The following SLC16A2 variants were observed in gnomAD, a reference collection of about 807,000 sequenced individuals.
SLC16A2 encodes monocarboxylate transporter 8.
In SLC16A2, 3 loss-of-function variants were observed where a neutral mutation model predicts 27.2. That is an observed-to-expected ratio of 0.11 (90% CI 0.05 to 0.28). SLC16A2 has a LOEUF of 0.28. SLC16A2 is among the 10% of genes least tolerant of loss of function. SLC16A2 has a pLI of 1.00. For missense variants in SLC16A2, 295 were observed against 458.5 expected, an observed-to-expected ratio of 0.64 and a Z score of 3.26; for synonymous variants, 202 against 187.8, an observed-to-expected ratio of 1.08 and a Z score of -0.62.
chrX:74,493,782 G>T (rs182273936), intron 1 of SLC16A2, among the ~76,000 whole-genome samples: 1 of 111,619 alleles, frequency 9.0e-6, no homozygotes, highest in African/African-American at 3.3e-5. Context: ...GCAGGTGCGT[G>T]CATTCCCTCT....
At chrX:74,465,729 G>A (rs1403581720) in intron 1 of SLC16A2, among the ~76,000 whole-genome samples, 3 of 111,501 alleles carry the variant, frequency 2.7e-5, no homozygotes, top group South Asian at 7.5e-4. Flanking sequence ...CAGGGAAATG[G>A]GATGCATTGT....
intron 1 of SLC16A2, among the ~76,000 whole-genome samples, chrX:74,455,702 CTG>C (rs1929031086): frequency 9.0e-6 from 1 of 111,239 alleles, no homozygotes; most frequent in African/African-American, 3.3e-5. Flanking sequence ...GAGGAGACAT[CTG>C]GGCATGGCAG....
intron 5 of SLC16A2, among the ~76,000 whole-genome samples, 185 bp from the exon 6 acceptor site, chrX:74,531,148 T>C (rs1038562856): frequency 8.9e-6 from 1 of 112,879 alleles, no homozygotes; most frequent in Admixed American, 9.3e-5. Context: ...TTAGCTTCTT[T>C]CATAATGAGC....
At chrX:74,528,756 C>T (rs189748639) in intron 4 of SLC16A2, among the ~76,000 whole-genome samples, 71 of 112,177 alleles carry the variant, frequency 6.3e-4, no homozygotes, top group Admixed American at 1.5e-3. Flanking sequence ...CTTCCACTTA[C>T]AACCCCATCT....
At chrX:74,441,999 C>G (rs950580483) in intron 1 of SLC16A2, among the ~76,000 whole-genome samples, 1 of 109,798 alleles carries the variant, frequency 9.1e-6, no homozygotes, top group South Asian at 3.9e-4. Flanking sequence ...GAGGCCGAGG[C>G]GGGTGGATCA....
chrX:74,506,906 ATTATTTAT>A (rs1204825066), intron 1 of SLC16A2, among the ~76,000 whole-genome samples: 17 of 94,987 alleles, frequency 1.8e-4, no homozygotes, highest in African/African-American at 3.9e-4. Flanking sequence ...TGTGATATTT[ATTATTTAT>A]TTATTTATTT....
In SLC16A2 at chrX:74,467,967, C is replaced by A. The variant is rs772599422; in HGVS notation, c.430+45900C>A. Reference sequence around the variant, plus strand: ...CACACCATATCATTCACATTTCAAGCCTCCAAACCACTGTTCATGCTGTTC... The same window carrying A: ...CACACCATATCATTCACATTTCAAGACTCCAAACCACTGTTCATGCTGTTC... On this transcript the variant is annotated intron_variant, in intron 1 of 5. Coordinates refer to ENST00000587091, the MANE Select transcript of SLC16A2 (RefSeq NM_006517.5). 4.5e-5 allele frequency among the ~76,000 whole-genome samples: 5 copies of A among 111,641 alleles called. No homozygotes were observed. In the East Asian group the frequency reaches 8.4e-4, roughly 19 times the overall value.
chrX:74,477,756 A>G (rs1929515309), intron 1 of SLC16A2, among the ~76,000 whole-genome samples: 1 of 111,990 alleles, frequency 8.9e-6, no homozygotes, highest in South Asian at 3.7e-4. Flanking sequence ...GTCATTCAGG[A>G]GCAGGTTGTT....
chrX:74,475,980 AT>A (rs1929469044), intron 1 of SLC16A2, among the ~76,000 whole-genome samples: 1 of 111,277 alleles, frequency 9.0e-6, no homozygotes. Flanking sequence ...TTTTGGTTCC[AT>A]ATGAACTTTA....
rs1424472744 is a variant in SLC16A2, at chrX:74,519,746, A to AAC, written c.431-1244_431-1243insAC. Reference sequence around the variant, plus strand: ...AAAAAAAAAACAAAAAAAAAACGAAAGAAAGAAAAAGAAAAAGAAATGTTT... The same window carrying AAC: ...AAAAAAAAAACAAAAAAAAAACGAAAACGAAAGAAAAAGAAAAAGAAATGTTT... On this transcript the variant is annotated intron_variant, in intron 1 of 5. Transcript: ENST00000587091. Among the ~76,000 whole-genome samples the AAC allele has an allele frequency of 9.8e-3, 732 of 74,894 alleles. 95 individuals carry two copies. The highest frequency in any genetic ancestry group is 0.016 in the Non-Finnish European group (544 of 33,015). The allele number at this position is 74,894 out of a possible 115,157, so 65.0% of individuals were successfully genotyped here. A position where few individuals can be genotyped will look rare whatever the true frequency, so the allele number is the denominator to read the frequency against.
intron 1 of SLC16A2, among the ~76,000 whole-genome samples, chrX:74,427,817 A>ACGCGCGCGCGTGCACGCGCG (rs1928438192): frequency 1.9e-5 from 2 of 106,959 alleles, no homozygotes; most frequent in Non-Finnish European, 3.9e-5. Flanking sequence ...GCGCGCACAC[A>ACGCGCGCGCGTGCACGCGCG]CACACACACA....
chrX:74,461,395 GGA>G (rs756961536), intron 1 of SLC16A2, among the ~76,000 whole-genome samples: 12 of 88,561 alleles, frequency 1.4e-4, no homozygotes, highest in African/African-American at 5.3e-4. Context: ...GGAGAGAAAG[GGA>G]GAGAGAGAGA....
intron 1 of SLC16A2, among the ~76,000 whole-genome samples, chrX:74,518,463 C>T (rs1054722955): frequency 4.5e-5 from 5 of 109,978 alleles, no homozygotes; most frequent in Admixed American, 1.9e-4. Context: ...TGGTGGCGTG[C>T]GCCTGTAATC....
At chrX:74,468,530 T>C (rs1435763206) in intron 1 of SLC16A2, among the ~76,000 whole-genome samples, 1 of 112,104 alleles carries the variant, frequency 8.9e-6, no homozygotes, top group African/African-American at 3.2e-5. Flanking sequence ...TCATGGACAT[T>C]TCAGTTGTTT....
intron 1 of SLC16A2, among the ~76,000 whole-genome samples, chrX:74,437,618 G>T (rs1298718573): frequency 1.8e-5 from 2 of 112,143 alleles, no homozygotes; most frequent in Non-Finnish European, 3.8e-5. Flanking sequence ...CCAAACAGCT[G>T]CAGGGACCTG....
chrX:74,525,242 G>T (rs949191317), intron 3 of SLC16A2, among the ~76,000 whole-genome samples: 5 of 111,830 alleles, frequency 4.5e-5, no homozygotes, highest in Admixed American at 1.9e-4. Flanking sequence ...AAAAAAAATT[G>T]TAGGAAAGAA....
chrX:74,421,892 C>T lies in SLC16A2; in HGVS notation c.255C>T (p.Thr85=). Residue 85 remains threonine (T), a synonymous_variant, in exon 1 of 6, where the codon ACC becomes ACT. Coordinates refer to ENST00000587091, the MANE Select transcript of SLC16A2 (RefSeq NM_006517.5). Reference sequence around the variant, plus strand: ...CCGAGCCCACGCCTACGGTAGAGACCCGCGGCACCGCGCGCGGCTTCCAGC... The same window carrying T: ...CCGAGCCCACGCCTACGGTAGAGACTCGCGGCACCGCGCGCGGCTTCCAGC... ...HEPEPTPTVE[T]RGTARGFQPP... The T allele has an allele frequency of 8.3e-7, 1 of 1,210,185 alleles. No individual in the cohort carries two copies. The highest frequency in any genetic ancestry group is 1.1e-6 in the Non-Finnish European group (1 of 894,933).
At chrX:74,429,176 G>GA (rs1234825025) in intron 1 of SLC16A2, among the ~76,000 whole-genome samples, 1 of 110,870 alleles carries the variant, frequency 9.0e-6, no homozygotes, top group Non-Finnish European at 1.9e-5. Flanking sequence ...GAAAGAAAAA[G>GA]AAAAAAATAG....
intron 1 of SLC16A2, among the ~76,000 whole-genome samples, chrX:74,467,917 A>C (rs1929282748): frequency 9.0e-6 from 1 of 110,524 alleles, no homozygotes; most frequent in Non-Finnish European, 1.9e-5. Context: ...TCTTACCTAA[A>C]CCACCCACAC....
Sources: gnomAD v4.1 joint callset for allele counts (sites outside exome capture counted in the v4.1 genomes callset) on GRCh38, gnomAD v4.1.1 for gene constraint, MANE v1.5 for transcripts, NCBI Gene and HGNC (gene_info 2026-07-23, HGNC 2026-07-21) for gene names.